Variants in AP3B1 observed in about 807,000 individuals in gnomAD.
AP3B1 encodes AP-3 complex subunit beta-1.
AP3B1 carries 61 observed loss-of-function variants against 132.5 expected under a neutral mutation model. That is an observed-to-expected ratio of 0.46 (90% CI 0.37 to 0.57). AP3B1 has a LOEUF of 0.57. Ranked by LOEUF, AP3B1 falls within the 20% of genes least tolerant of loss-of-function variation. The probability of loss-of-function intolerance (pLI) is 0.00; values close to 1 mark genes in which losing one functional copy is unlikely to be tolerated. For missense variants in AP3B1, 1,120 were observed against 1,289.4 expected, an observed-to-expected ratio of 0.87 and a Z score of 2.01; for synonymous variants, 388 against 438.3, an observed-to-expected ratio of 0.89 and a Z score of 1.43.
intron 2 of AP3B1, among the ~76,000 whole-genome samples, chr5:78,266,683 ATGGTGGT>A (rs1363546562): frequency 5.3e-5 from 8 of 152,190 alleles, no homozygotes; most frequent in African/African-American, 1.9e-4. Context: ...AGAATCAGCA[ATGGTGGT>A]GATAAAAAGG....
At chr5:78,291,231 C>A (rs1280254647) in intron 1 of AP3B1, among the ~76,000 whole-genome samples, 2 of 151,840 alleles carry the variant, frequency 1.3e-5, no homozygotes, top group African/African-American at 4.8e-5. Flanking sequence ...TCAGTGAACA[C>A]AGAGCTCTAG....
At chr5:78,257,308 CAAATT>C (rs1747887006) in intron 2 of AP3B1, among the ~76,000 whole-genome samples, 1 of 152,064 alleles carries the variant, frequency 6.6e-6, no homozygotes. Context: ...AACTGATAAA[CAAATT>C]AAGTAAAGTT....
At chr5:78,263,331 A>T (rs1184847344) in intron 2 of AP3B1, among the ~76,000 whole-genome samples, 1 of 152,174 alleles carries the variant, frequency 6.6e-6, no homozygotes, top group Non-Finnish European at 1.5e-5. Flanking sequence ...TAGAAATGCA[A>T]GTCATTTTGG....
intron 2 of AP3B1, among the ~76,000 whole-genome samples, chr5:78,258,965 C>T (rs761771493): frequency 5.3e-5 from 8 of 152,090 alleles, no homozygotes; most frequent in Non-Finnish European, 1.2e-4. Flanking sequence ...TGGCCGGGCA[C>T]GGTGGCTCAT....
chr5:78,276,784 A>C (rs1376899344), intron 1 of AP3B1, among the ~76,000 whole-genome samples: 1 of 151,922 alleles, frequency 6.6e-6, no homozygotes, highest in Non-Finnish European at 1.5e-5. Flanking sequence ...TAGGAGGACC[A>C]CTTGAGTCTG....
intron 26 of AP3B1, among the ~76,000 whole-genome samples, chr5:78,007,087 T>C (rs915572359): frequency 3.3e-5 from 5 of 152,366 alleles, no homozygotes; most frequent in Middle Eastern, 3.4e-3. Flanking sequence ...GCACTTAAAC[T>C]ATACTTTTTA....
rs993491995 is a variant in AP3B1 at position 78,281,690 on chromosome 5, T to C, written c.128+12762A>G. Reference sequence around the variant, plus strand: ...ATCATCCAAAATTATTTAAGTAATATACAAAGTATCAAAATAGATGGGACT... The same window carrying C: ...ATCATCCAAAATTATTTAAGTAATACACAAAGTATCAAAATAGATGGGACT... On this transcript the variant is annotated intron_variant, in intron 1 of 26. Transcript: ENST00000255194. 9.7e-4 allele frequency among the ~76,000 whole-genome samples: 147 copies of C among 152,232 alleles called. 1 individual carries two copies. Among genetic ancestry groups the C allele is most frequent in the Middle Eastern group, 3.4e-3 (1 of 294 alleles).
intron 22 of AP3B1, among the ~76,000 whole-genome samples, chr5:78,081,019 G>A (rs936999530): frequency 7.9e-5 from 12 of 152,122 alleles, no homozygotes; most frequent in Non-Finnish European, 1.6e-4. Flanking sequence ...CAAATGGATG[G>A]CCCTAAGATC....
chr5:78,216,088 A>G lies in AP3B1; in HGVS notation c.753T>C (p.Tyr251=), dbSNP rs1195260459. ...AAGGGCTGACAAACTGTGTCCGAGC[A>G]TATCGAGTTAGCATGTGGATTATGA... ...QVVIIHMLTR[Y]ARTQFVSPWK... The change falls in exon 7 of 27, where the codon TAT becomes TAC. Residue 251 remains tyrosine (Y), a synonymous_variant. Coordinates refer to ENST00000255194, the MANE Select transcript of AP3B1 (RefSeq NM_003664.5). The G allele has an allele frequency of 6.2e-7, 1 of 1,614,084 alleles. No homozygotes were observed. Among genetic ancestry groups the G allele is most frequent in the Non-Finnish European group, 8.5e-7 (1 of 1,179,922 alleles).
rs559317514 is a variant in AP3B1, at chr5:78,040,733, G to A, written c.2578-1459C>T. ...TGATTAAGATTTTTTCCTGACAAGT[G>A]TTGTCTCCCAACTAGATTCTCTATT... On this transcript the variant is annotated intron_variant, in intron 22 of 26. Transcript: ENST00000255194. Among the ~76,000 whole-genome samples the A allele has an allele frequency of 8.5e-4, 129 of 151,990 alleles. 1 individual carries two copies. Among genetic ancestry groups the A allele is most frequent in the African/African-American group, 3.1e-3 (127 of 41,432 alleles).
At chr5:78,130,422 T>C (rs1252149605) in intron 15 of AP3B1, among the ~76,000 whole-genome samples, 3 of 152,072 alleles carry the variant, frequency 2.0e-5, no homozygotes, top group African/African-American at 7.2e-5. Context: ...TTGCTTAAGA[T>C]AATTGATTTG....
chr5:78,222,992 C>T (rs1366519193), intron 6 of AP3B1, among the ~76,000 whole-genome samples: 2 of 146,914 alleles, frequency 1.4e-5, no homozygotes, highest in African/African-American at 2.5e-5. Context: ...GAAATAGGAG[C>T]CCTGTTTCTT....
rs1247534610 is a variant in AP3B1 at position 78,193,752 on chromosome 5, A to G, written c.787-12090T>C. Among the ~76,000 whole-genome samples, 189 of 118,628 alleles carry G rather than the reference A, an allele frequency of 1.6e-3. 2 individuals carry two copies. Among genetic ancestry groups the G allele is most frequent in the African/African-American group, 5.7e-3 (176 of 30,964 alleles). 77.8% of individuals were successfully genotyped at this position (118,628 alleles called of 152,430 possible). A position where few individuals can be genotyped will look rare whatever the true frequency, so the allele number is the denominator to read the frequency against. Reference sequence around the variant, plus strand: ...TATTTGTATATATTTTTTTATATATATATATATATATATATATATTTTTTT... The same window carrying G: ...TATTTGTATATATTTTTTTATATATGTATATATATATATATATATTTTTTT... On this transcript the variant is annotated intron_variant, in intron 7 of 26. Transcript: ENST00000255194.
rs2112128588 is a variant in AP3B1, at chr5:78,053,415, C to A, written c.2578-14141G>T. The stretch of plus-strand genomic sequence containing the variant: ...GTCAAGTCCCAGTCGGGTGCAGCGG[C>A]TCACGCCTGTAATCTCAGCACTTTG... On this transcript the variant is annotated intron_variant, in intron 22 of 26. Transcript: ENST00000255194. Among the ~76,000 whole-genome samples, 2 of 152,198 alleles carry A rather than the reference C, an allele frequency of 1.3e-5. 1 individual carries two copies. Among genetic ancestry groups the A allele is most frequent in the Middle Eastern group, 6.8e-3 (2 of 294 alleles).
chr5:78,215,936 G>A, intron 7 of AP3B1, 119 bp downstream of exon 7: 1 of 880,866 alleles, frequency 1.1e-6, no homozygotes, highest in East Asian at 2.5e-5. Flanking sequence ...AGAGACAAAT[G>A]AGTCTTCCTT....
chr5:78,070,409 GA>G (rs70997966), intron 22 of AP3B1, among the ~76,000 whole-genome samples: 107,458 of 131,442 alleles, frequency 0.82, 43,544 homozygotes, highest in African/African-American at 0.91. Context: ...TCCATCTCAA[GA>G]AAAAAAAAAA....
intron 25 of AP3B1, among the ~76,000 whole-genome samples, chr5:78,017,681 G>C (rs1391705556): frequency 6.6e-6 from 1 of 151,800 alleles, no homozygotes; most frequent in African/African-American, 2.4e-5. Flanking sequence ...AACTATATCA[G>C]GTATTCTCAA....
chr5:78,283,742 T>C (rs1000882753), intron 1 of AP3B1, among the ~76,000 whole-genome samples: 1 of 152,214 alleles, frequency 6.6e-6, no homozygotes, highest in African/African-American at 2.4e-5. Context: ...ACTTACTCTA[T>C]CCATCTGTGT....
At chr5:78,038,669 G>A (rs931991816) in intron 23 of AP3B1, among the ~76,000 whole-genome samples, 2 of 152,140 alleles carry the variant, frequency 1.3e-5, no homozygotes, top group Non-Finnish European at 1.5e-5. Flanking sequence ...AATGCAGAGC[G>A]ATTTTCTTGC....
Sources: allele counts gnomAD v4.1 joint callset (sites outside exome capture counted in the v4.1 genomes callset), GRCh38; gene constraint gnomAD v4.1.1; transcripts MANE v1.5; gene names NCBI Gene and HGNC (gene_info 2026-07-23, HGNC 2026-07-21).